AKT3: variants seen among roughly 807,000 people sequenced by gnomAD.
AKT3 encodes RAC-gamma serine/threonine-protein kinase.
In AKT3, 15 loss-of-function variants were observed where a neutral mutation model predicts 65.3. The observed-to-expected ratio is 0.23, with a 90% confidence interval of 0.15 to 0.35. AKT3 has a LOEUF of 0.35. AKT3 is among the 10% of genes least tolerant of loss of function. The pLI, the probability that AKT3 is intolerant of heterozygous loss-of-function variation, is 1.00. For missense variants in AKT3, 243 were observed against 576.5 expected, an observed-to-expected ratio of 0.42 and a Z score of 5.92; for synonymous variants, 206 against 183.8, an observed-to-expected ratio of 1.12 and a Z score of -0.98.
rs113271863 is a variant in AKT3 at position 243,669,586 on chromosome 1, T to C, written c.173-4703A>G. Among the ~76,000 whole-genome samples the C allele has an allele frequency of 5.9e-5, 9 of 152,326 alleles. 1 individual carries two copies. Among genetic ancestry groups the C allele is most frequent in the African/African-American group, 2.2e-4 (9 of 41,576 alleles). Reference sequence around the variant, plus strand: ...TATCTAAGCCCTCAGGTTTATCATCTTTAAAAGCACTATCATGAATTAAAA... The same window carrying C: ...TATCTAAGCCCTCAGGTTTATCATCCTTAAAAGCACTATCATGAATTAAAA... On this transcript the variant is annotated intron_variant, in intron 3 of 13. Transcript: ENST00000673466.
At chr1:243,699,107 A>C (rs561099655) in intron 2 of AKT3, among the ~76,000 whole-genome samples, 1 of 152,220 alleles carries the variant, frequency 6.6e-6, no homozygotes, top group African/African-American at 2.4e-5. Flanking sequence ...TTATGAGGCT[A>C]AGTACCCAGA....
intron 8 of AKT3, among the ~76,000 whole-genome samples, chr1:243,589,306 C>CAAAAAAAAAAAAAAAAAAAAA (rs758254217): frequency 4.9e-5 from 2 of 40,878 alleles, no homozygotes; most frequent in African/African-American, 9.5e-5. Flanking sequence ...AACTCCATCT[C>CAAAAAAAAAAAAAAAAAAAAA]AAAAAAAAAA....
At chr1:243,720,429 T>TAAAAA (rs66716743) in intron 2 of AKT3, among the ~76,000 whole-genome samples, 1 of 96,042 alleles carries the variant, frequency 1.0e-5, no homozygotes, top group African/African-American at 4.8e-5. Flanking sequence ...AAAGACATAG[T>TAAAAA]AAAAAAAAAA....
At chr1:243,665,753 A>G (rs551389065) in intron 3 of AKT3, among the ~76,000 whole-genome samples, 4 of 152,340 alleles carry the variant, frequency 2.6e-5, no homozygotes, top group South Asian at 2.1e-4. Context: ...TAAGCTTTCA[A>G]CAAACATTAA....
chr1:243,587,039 T>C (rs1246507516), intron 8 of AKT3, among the ~76,000 whole-genome samples: 1 of 151,854 alleles, frequency 6.6e-6, no homozygotes, highest in East Asian at 1.9e-4. Flanking sequence ...ACACAAAAAA[T>C]TGGGTAAAGG....
At chr1:243,699,900 G>A (rs560302504) in intron 2 of AKT3, among the ~76,000 whole-genome samples, 35 of 152,166 alleles carry the variant, frequency 2.3e-4, no homozygotes, top group African/African-American at 8.2e-4. Context: ...CAGAAGCAAA[G>A]ATTGGAACTA....
chr1:243,749,342 T>G (rs1480201515), intron 2 of AKT3, among the ~76,000 whole-genome samples: 1 of 152,142 alleles, frequency 6.6e-6, no homozygotes, highest in Non-Finnish European at 1.5e-5. Context: ...TGATCATGAT[T>G]GTTTTCTAAA....
intron 9 of AKT3, among the ~76,000 whole-genome samples, chr1:243,571,576 A>T (rs1297762671): frequency 6.6e-6 from 1 of 152,206 alleles, no homozygotes; most frequent in Non-Finnish European, 1.5e-5. Context: ...AGGATTCATA[A>T]AACATGTAGT....
chr1:243,713,355 C>T (rs1434313245), intron 2 of AKT3, among the ~76,000 whole-genome samples: 1 of 152,096 alleles, frequency 6.6e-6, no homozygotes, highest in East Asian at 1.9e-4. Flanking sequence ...TATTAAACCC[C>T]TAAACTAATT....
chr1:243,678,543 A>C (rs1306613028), intron 3 of AKT3, among the ~76,000 whole-genome samples: 1 of 152,212 alleles, frequency 6.6e-6, no homozygotes, highest in Admixed American at 6.5e-5. Flanking sequence ...TTATCTTAGC[A>C]TATTATCAGT....
At chr1:243,505,437 G>A (rs1002647319) in intron 13 of AKT3, 103 bp from the exon 14 acceptor site, 9 of 904,332 alleles carry the variant, frequency 1.0e-5, no homozygotes, top group Non-Finnish European at 1.4e-5. Flanking sequence ...GATGAACAGA[G>A]GCAATAGCTC....
chr1:243,805,818 G>A (rs1185022927), intron 2 of AKT3, among the ~76,000 whole-genome samples: 1 of 152,026 alleles, frequency 6.6e-6, no homozygotes, highest in African/African-American at 2.4e-5. Flanking sequence ...TCATTCTTCA[G>A]TCCATTCTTC....
intron 4 of AKT3, among the ~76,000 whole-genome samples, chr1:243,654,269 T>G (rs1681595631): frequency 6.6e-6 from 1 of 152,172 alleles, no homozygotes. Flanking sequence ...TTTGTCAGGA[T>G]CTCAATTTAT....
chr1:243,536,496 C>T (rs1005562985), intron 12 of AKT3, among the ~76,000 whole-genome samples: 2 of 152,134 alleles, frequency 1.3e-5, no homozygotes, highest in South Asian at 2.1e-4. Context: ...CTACTTATCA[C>T]GTTTAATATC....
At chr1:243,513,583 G>A (rs954031561) in intron 12 of AKT3, among the ~76,000 whole-genome samples, 1 of 152,156 alleles carries the variant, frequency 6.6e-6, no homozygotes, top group African/African-American at 2.4e-5. Flanking sequence ...GGGATGAGCA[G>A]AATTAAAAGC....
intron 8 of AKT3, among the ~76,000 whole-genome samples, chr1:243,596,791 G>A (rs1196921945): frequency 2.6e-5 from 4 of 152,146 alleles, no homozygotes; most frequent in South Asian, 2.1e-4. Flanking sequence ...GTATTAATCC[G>A]CATGTACGTC....
intron 8 of AKT3, among the ~76,000 whole-genome samples, chr1:243,597,916 T>C (rs1263973029): frequency 2.0e-5 from 3 of 152,240 alleles, no homozygotes; most frequent in Non-Finnish European, 2.9e-5. Flanking sequence ...ATTAAAATAA[T>C]TTTTTTGGCT....
chr1:243,567,106 C>T, intron 9 of AKT3, among the ~76,000 whole-genome samples: 1 of 152,124 alleles, frequency 6.6e-6, no homozygotes, highest in Admixed American at 6.5e-5. Flanking sequence ...ATGGTGAAAC[C>T]CTGTCTCTAC....
chr1:243,529,047 T>C (rs537498634), intron 12 of AKT3, among the ~76,000 whole-genome samples: 1 of 152,194 alleles, frequency 6.6e-6, no homozygotes, highest in Non-Finnish European at 1.5e-5. Context: ...ATTTCTCTAA[T>C]GATTAGTGAT....
Sources: gnomAD v4.1 joint callset for allele counts (sites outside exome capture counted in the v4.1 genomes callset) on GRCh38, gnomAD v4.1.1 for gene constraint, MANE v1.5 for transcripts, NCBI Gene and HGNC (gene_info 2026-07-23, HGNC 2026-07-21) for gene names.